ZNF221: variants seen among roughly 807,000 people sequenced by gnomAD.
ZNF221 encodes zinc finger protein 221.
Under a neutral mutation model 12.6 loss-of-function variants are expected in ZNF221, and 10 were observed. The observed-to-expected ratio is 0.79, with a 90% confidence interval of 0.49 to 1.34. ZNF221 has a LOEUF of 1.34. ZNF221 is among the 40% of genes most tolerant of loss of function. The pLI, the probability that ZNF221 is intolerant of heterozygous loss-of-function variation, is 0.00. For missense variants in ZNF221, 661 were observed against 721.4 expected (o/e 0.92, Z 0.96); for synonymous variants, 232 against 244.0 (o/e 0.95, Z 0.46).
In ZNF221 at chr19:43,967,480, CT is replaced by C. The variant is rs56887248; in HGVS notation, c.*140del. On this transcript the variant is annotated 3_prime_UTR_variant, in exon 5 of 5. Transcript: ENST00000587682. Reference sequence around the variant, plus strand: ...GAAGAGCTTTGTACATAGATCATATCTTTTTTTTTTTTTTTTGAGACAGAGT... The same window carrying C: ...GAAGAGCTTTGTACATAGATCATATCTTTTTTTTTTTTTTTGAGACAGAGT... The C allele has an allele frequency of 0.55, 294,597 of 537,924 alleles. 42,013 individuals carry two copies. The highest frequency in any genetic ancestry group is 0.63 in the Admixed American group (18,569 of 29,576). The allele number at this position is 537,924 out of a possible 1,614,324, so 33.3% of individuals were successfully genotyped here. A position where few individuals can be genotyped will look rare whatever the true frequency, so the allele number is the denominator to read the frequency against.
At chr19:43,977,595 A>C in the ZNF221 span, 2 of 152,302 alleles carry the variant, frequency 1.3e-5, no homozygotes, top group East Asian at 3.9e-4. Flanking sequence ...AGATTCTTTG[A>C]AGAACAAATG....
rs769517591 is a variant in ZNF221, at chr19:43,962,705, C to T, written c.-2-20C>T. 15 of 1,612,182 alleles carry T rather than the reference C, an allele frequency of 9.3e-6. No homozygotes were observed. In the Admixed American group the frequency reaches 2.5e-4, roughly 27 times the overall value. On this transcript the variant is annotated intron_variant, in intron 1 of 4. Transcript: ENST00000587682. ...TTACCATTTCCTGTCTGTTTTTCTG[C>T]CTTTCCTGGCACTTTCCAGGCATGA...
Position 43,966,577 on chromosome 19 carries a change from G to T in ZNF221, c.1075G>T (p.Val359Phe). The T allele has an allele frequency of 3.7e-6, 6 of 1,614,098 alleles. No homozygotes were observed. Among genetic ancestry groups the T allele is most frequent in the Non-Finnish European group, 4.2e-6 (5 of 1,180,024 alleles). The change falls in exon 5 of 5, where the codon GTC becomes TTC. Residue 359 changes from valine (V) to phenylalanine (F), a missense_variant. Physicochemically the swap from Val to Phe is conservative, Grantham distance 50 (BLOSUM62 -1). Coordinates refer to ENST00000587682, the MANE Select transcript of ZNF221 (RefSeq NM_001297588.2). ...ATCAGCACTTAATAGTCATTCCATG[G>T]TCCACATAGAAGAGAAGCCATACAA... ...QRSALNSHSM[V>F]HIEEKPYKCE...
chr19:43,965,184 A>C, intron 3 of ZNF221, 49 bp from the exon 4 acceptor site: 1 of 1,594,448 alleles, frequency 6.3e-7, no homozygotes, highest in Non-Finnish European at 8.6e-7. Flanking sequence ...TTTTCCCTAG[A>C]TATTACCTAC....
intron 4 of ZNF221, 40 bp from the exon 5 acceptor site, chr19:43,965,764 G>C (rs374290246): frequency 6.7e-7 from 1 of 1,503,254 alleles, no homozygotes; most frequent in African/African-American, 1.4e-5. Context: ...ATTGAATAGG[G>C]CTTCACTTGC....
At chr19:43,956,210 C>G (rs1438204385) in intron 1 of ZNF221, among the ~76,000 whole-genome samples, 1 of 152,186 alleles carries the variant, frequency 6.6e-6, no homozygotes, top group East Asian at 1.9e-4. Flanking sequence ...AGATTCTATT[C>G]TACACTGTGC....
At chr19:43,957,398 C>T (rs1049168876) in intron 1 of ZNF221, among the ~76,000 whole-genome samples, 2 of 152,080 alleles carry the variant, frequency 1.3e-5, no homozygotes, top group African/African-American at 4.8e-5. Flanking sequence ...GTCTTGAACT[C>T]CTGACCTCAG....
At chr19:43,961,330 G>GA (rs1266023371) in intron 1 of ZNF221, among the ~76,000 whole-genome samples, 2 of 152,020 alleles carry the variant, frequency 1.3e-5, no homozygotes, top group African/African-American at 4.8e-5. Flanking sequence ...ATACCACTGG[G>GA]AACAAACTTA....
At chr19:43,965,776 C>T (rs1436726986) in intron 4 of ZNF221, 28 bp from the exon 5 acceptor site, 1 of 1,535,722 alleles carries the variant, frequency 6.5e-7, no homozygotes, top group South Asian at 1.3e-5. Flanking sequence ...TTCACTTGCC[C>T]ACATATATTA....
In ZNF221 at chr19:43,965,963, G is replaced by A; in HGVS notation, c.461G>A (p.Cys154Tyr). ...SQFFKEGDVP[C>Y]QIEARLSISH... Reference sequence around the variant, plus strand: ...TTCTTCAAAGAAGGTGATGTCCCCTGCCAGATTGAGGCAAGACTATCTATA... The same window carrying A: ...TTCTTCAAAGAAGGTGATGTCCCCTACCAGATTGAGGCAAGACTATCTATA... Residue 154 changes from cysteine (C) to tyrosine (Y), a missense_variant, in exon 5 of 5, where the codon TGC (cysteine) becomes TAC (tyrosine). By Grantham distance (194) the Cys-to-Tyr change is radical (BLOSUM62 -2). Transcript: ENST00000587682. 6.2e-7 allele frequency: 1 copy of A among 1,614,218 alleles called. No individual in the cohort carries two copies. The highest frequency in any genetic ancestry group is 8.5e-7 in the Non-Finnish European group (1 of 1,180,032).
Position 43,967,258 on chromosome 19 carries a change from G to A in ZNF221, c.1756G>A (p.Gly586Arg), listed in dbSNP as rs753622472. The change falls in exon 5 of 5, where the codon GGA (glycine) becomes AGA (arginine). Residue 586 changes from glycine (G) to arginine (R), a missense_variant. Physicochemically the swap from Gly to Arg is moderately radical, Grantham distance 125. Coordinates refer to ENST00000587682, the MANE Select transcript of ZNF221 (RefSeq NM_001297588.2). Reference sequence around the variant, plus strand: ...TTTGAAACATCAGAGACTCCACAGTGGAGAAAAGCCATTGAAATCTGGAGT... The same window carrying A: ...TTTGAAACATCAGAGACTCCACAGTAGAGAAAAGCCATTGAAATCTGGAGT... ...CLLKHQRLHS[G>R]EKPLKSGVWE... 1 of 1,614,140 alleles carries A rather than the reference G, an allele frequency of 6.2e-7. No individual in the cohort carries two copies. Among genetic ancestry groups the A allele is most frequent in the East Asian group, 2.2e-5 (1 of 44,880 alleles).
At chr19:43,973,343 C>A in the ZNF221 span, among the ~76,000 whole-genome samples, 4 of 152,108 alleles carry the variant, frequency 2.6e-5, no homozygotes, top group Non-Finnish European at 5.9e-5. Flanking sequence ...TGGCACAAGA[C>A]AAGGACCAGC....
Position 43,966,347 on chromosome 19 carries a change from A to G in ZNF221, c.845A>G (p.Tyr282Cys), listed in dbSNP as rs1332340311. 1.2e-6 allele frequency: 2 copies of G among 1,614,186 alleles called. No homozygotes were observed. The change falls in exon 5 of 5, where the codon TAT becomes TGT. Residue 282 changes from tyrosine (Y) to cysteine (C), a missense_variant. Physicochemically the swap from Tyr to Cys is radical, Grantham distance 194. Transcript: ENST00000587682. The part of the protein sequence containing the change: ...HCKLHTGEKP[Y>C]NCEECGKAFI... ...AAATTGCACACAGGAGAGAAACCTT[A>G]TAATTGTGAGGAATGTGGGAAAGCC...
intron 2 of ZNF221, 85 bp from the exon 3 acceptor site, chr19:43,964,865 C>A: frequency 9.6e-6 from 15 of 1,562,652 alleles, no homozygotes; most frequent in Non-Finnish European, 1.3e-5. Flanking sequence ...ACTTACCACA[C>A]CTGTCCCCTT....
the ZNF221 span, among the ~76,000 whole-genome samples, chr19:43,974,491 G>T: frequency 6.6e-6 from 1 of 152,020 alleles, no homozygotes; most frequent in African/African-American, 2.4e-5. Context: ...TTTGCAATCT[G>T]TCCATCTGAC....
the ZNF221 span, among the ~76,000 whole-genome samples, chr19:43,973,262 G>A: frequency 6.6e-6 from 1 of 152,070 alleles, no homozygotes; most frequent in Non-Finnish European, 1.5e-5. Flanking sequence ...AATAATAAGA[G>A]CCATAGATTT....
In ZNF221 at chr19:43,965,264, C is replaced by G. The variant is rs771943171; in HGVS notation, c.240C>G (p.His80Gln). The G allele has an allele frequency of 6.2e-7, 1 of 1,613,554 alleles. No homozygotes were observed. Among genetic ancestry groups the G allele is most frequent in the South Asian group, 1.1e-5 (1 of 91,046 alleles). ...AACCATTCCACCAAGATACTTTCCACTTCTTAGGGAAGGAAAAGTTTTGGA... is the reference window on the plus strand; with the variant it reads ...AACCATTCCACCAAGATACTTTCCAGTTCTTAGGGAAGGAAAAGTTTTGGA... ...GNQPFHQDTF[H>Q]FLGKEKFWKM... Residue 80 changes from histidine to glutamine, a missense_variant, in exon 4 of 5, where the codon CAC becomes CAG. Transcript: ENST00000587682.
chr19:43,979,928 C>G, the ZNF221 span, among the ~76,000 whole-genome samples: 4 of 152,134 alleles, frequency 2.6e-5, no homozygotes, highest in African/African-American at 9.7e-5. Context: ...AAAGCCACGA[C>G]ATGGTGATAA....
At chr19:43,971,572 G>A (rs961865493), downstream of ZNF221, among the ~76,000 whole-genome samples, 1 of 150,588 alleles carries the variant, frequency 6.6e-6, no homozygotes, top group Admixed American at 6.6e-5. Flanking sequence ...AATCTACCAA[G>A]AAAATGGAAA....
Sources: allele counts gnomAD v4.1 joint callset (sites outside exome capture counted in the v4.1 genomes callset), GRCh38; gene constraint gnomAD v4.1.1; transcripts MANE v1.5; gene names NCBI Gene and HGNC (gene_info 2026-07-23, HGNC 2026-07-21).